TENM4: variants seen among roughly 807,000 people sequenced by gnomAD.
The protein encoded by TENM4 is teneurin transmembrane protein 4, also known as teneurin-4.
Under a neutral mutation model 243.3 loss-of-function variants are expected in TENM4, and 82 were observed. That is an observed-to-expected ratio of 0.34 (90% CI 0.28 to 0.40). TENM4 has a LOEUF of 0.40. Among genes scored for constraint, TENM4 ranks in the 10% least tolerant of loss-of-function variants. TENM4 has a pLI of 1.00. For missense variants in TENM4, 3,138 were observed against 3,673.3 expected, an observed-to-expected ratio of 0.85 and a Z score of 3.77; for synonymous variants, 1,412 against 1,456.3, an observed-to-expected ratio of 0.97 and a Z score of 0.69.
intron 3 of TENM4, among the ~76,000 whole-genome samples, chr11:79,174,198 TTGTC>T (rs1204753294): frequency 3.3e-5 from 5 of 152,068 alleles, no homozygotes; most frequent in African/African-American, 9.7e-5. Context: ...TATCCTCCCT[TTGTC>T]TGTTCTTTGC....
chr11:79,160,643 G>T (rs1249994876), intron 3 of TENM4, among the ~76,000 whole-genome samples: 1 of 152,104 alleles, frequency 6.6e-6, no homozygotes, highest in East Asian at 1.9e-4. Context: ...CAGGGTCAGG[G>T]GTGAATATAG....
intron 1 of TENM4, among the ~76,000 whole-genome samples, chr11:79,320,560 G>C (rs1181079267): frequency 6.6e-6 from 1 of 152,198 alleles, no homozygotes; most frequent in Non-Finnish European, 1.5e-5. Context: ...TCTCAGGAAA[G>C]TTGAGAAGCT....
In TENM4 at chr11:78,805,281, C is replaced by CACCCAACACA; in HGVS notation, c.2179+10_2179+11insTGTGTTGGGT. On this transcript the variant is annotated intron_variant, in intron 15 of 33. Coordinates refer to ENST00000278550, the MANE Select transcript of TENM4 (RefSeq NM_001098816.3). ...TCCCTCTACCCATGCTTCTTCTCCC[C>CACCCAACACA]CTGCATTTACCGATAGAACAGTCGT... 6 of 1,488,454 alleles carry CACCCAACACA rather than the reference C, an allele frequency of 4.0e-6. No homozygotes were observed. Among genetic ancestry groups the CACCCAACACA allele is most frequent in the Non-Finnish European group, 5.5e-6 (6 of 1,097,782 alleles). 92.2% of individuals were successfully genotyped at this position (1,488,454 alleles called of 1,614,324 possible).
intron 1 of TENM4, among the ~76,000 whole-genome samples, chr11:79,376,130 T>C (rs538516714): frequency 9.5e-4 from 144 of 152,314 alleles, no homozygotes; most frequent in Non-Finnish European, 1.8e-3. Context: ...TGCACACTAC[T>C]GGCCACATGT....
In TENM4 at chr11:79,303,254, T is replaced by C. The variant is rs897407601; in HGVS notation, c.-320-5711A>G. On this transcript the variant is annotated intron_variant, in intron 1 of 33. Coordinates refer to ENST00000278550, the MANE Select transcript of TENM4 (RefSeq NM_001098816.3). The stretch of plus-strand genomic sequence containing the variant: ...CACTAGGTCTTTGTTAAATGTTGCA[T>C]TGGCTATGGAATCAGAGTTTGGGTT... Among the ~76,000 whole-genome samples the C allele has an allele frequency of 5.3e-5, 8 of 152,222 alleles. No homozygotes were observed. The East Asian group carries it at 9.6e-4, about 18-fold the overall frequency.
chr11:79,281,024 G>A (rs1388531803), intron 2 of TENM4, among the ~76,000 whole-genome samples: 2 of 152,190 alleles, frequency 1.3e-5, no homozygotes, highest in African/African-American at 4.8e-5. Context: ...GTAAAGGGTT[G>A]AGAGCTGCAA....
chr11:79,410,956 TACACACACAC>T (rs143723822), intron 1 of TENM4, among the ~76,000 whole-genome samples: 3 of 151,300 alleles, frequency 2.0e-5, no homozygotes, highest in African/African-American at 4.8e-5. Flanking sequence ...TACACACACA[TACACACACAC>T]ACACATACAA....
At chr11:79,383,072 C>G (rs943221872) in intron 1 of TENM4, among the ~76,000 whole-genome samples, 5 of 152,182 alleles carry the variant, frequency 3.3e-5, no homozygotes, top group African/African-American at 9.7e-5. Flanking sequence ...CATCTTCTGC[C>G]TTTCTGCCCT....
At chr11:79,431,212 G>T (rs1408962935) in intron 1 of TENM4, among the ~76,000 whole-genome samples, 1 of 152,050 alleles carries the variant, frequency 6.6e-6, no homozygotes, top group Admixed American at 6.6e-5. Flanking sequence ...AAATACTTTT[G>T]GGGTTTAGCA....
chr11:78,867,758 T>A (rs1320462610), intron 9 of TENM4, among the ~76,000 whole-genome samples: 1 of 152,230 alleles, frequency 6.6e-6, no homozygotes, highest in African/African-American at 2.4e-5. Flanking sequence ...GGAAGTAGAA[T>A]AGAAATAGAG....
chr11:79,165,156 CCA>C (rs1405117293), intron 3 of TENM4, among the ~76,000 whole-genome samples: 1 of 151,856 alleles, frequency 6.6e-6, no homozygotes, highest in Admixed American at 6.6e-5. Flanking sequence ...GGGTATCTAC[CCA>C]GGACTGGGAT....
intron 6 of TENM4, among the ~76,000 whole-genome samples, chr11:79,061,640 C>A (rs1860089891): frequency 6.6e-6 from 1 of 152,166 alleles, no homozygotes; most frequent in South Asian, 2.1e-4. Flanking sequence ...CTCTTTCTGT[C>A]ATGACTTTAT....
At chr11:78,700,298 C>T (rs1340435607) in intron 28 of TENM4, among the ~76,000 whole-genome samples, 4 of 152,186 alleles carry the variant, frequency 2.6e-5, no homozygotes, top group African/African-American at 4.8e-5. Context: ...ACTTGGACTG[C>T]GATCCCTGTT....
At chr11:78,728,030 G>A (rs1590972439) in intron 22 of TENM4, among the ~76,000 whole-genome samples, 1 of 152,178 alleles carries the variant, frequency 6.6e-6, no homozygotes, top group Non-Finnish European at 1.5e-5. Flanking sequence ...GTGATCTTAG[G>A]AAAGTGACTG....
intron 6 of TENM4, among the ~76,000 whole-genome samples, chr11:79,043,454 C>G (rs1427678748): frequency 5.9e-5 from 9 of 152,154 alleles, no homozygotes; most frequent in Non-Finnish European, 2.9e-5. Flanking sequence ...GATGGTGGAG[C>G]TTCTGTCACC....
At chr11:79,429,834 C>T (rs1362197529) in intron 1 of TENM4, among the ~76,000 whole-genome samples, 1 of 152,214 alleles carries the variant, frequency 6.6e-6, no homozygotes, top group Non-Finnish European at 1.5e-5. Flanking sequence ...ACTCACAACA[C>T]TGTCACAAAG....
intron 6 of TENM4, among the ~76,000 whole-genome samples, chr11:79,022,283 C>T (rs1466082668): frequency 6.6e-6 from 1 of 152,094 alleles, no homozygotes; most frequent in Non-Finnish European, 1.5e-5. Flanking sequence ...CAGAGAGGCC[C>T]AATAGTCGAC....
At position 78,903,417 on chromosome 11, in the gene TENM4, C is replaced by T; in HGVS notation, c.600G>A (p.Leu200=). 6.5e-7 allele frequency: 1 copy of T among 1,544,438 alleles called. No individual in the cohort carries two copies. Among genetic ancestry groups the T allele is most frequent in the Non-Finnish European group, 8.7e-7 (1 of 1,143,440 alleles). Residue 200 remains leucine, a synonymous_variant, in exon 7 of 34, where the codon CTG becomes CTA. Transcript: ENST00000278550. ...NQHHAASINS[L]NRGNFTPRSN... ...TCCTCGGCGTGAAGTTGCCCCGGTT[C>T]AGGGAGTTAATGGAGGCCGCGTGGT...
At chr11:78,966,763 G>C (rs191200980) in intron 6 of TENM4, among the ~76,000 whole-genome samples, 1 of 152,268 alleles carries the variant, frequency 6.6e-6, no homozygotes, top group Admixed American at 6.5e-5. Flanking sequence ...TCAGCAATCT[G>C]TCTCCCCACC....
Sources: allele counts gnomAD v4.1 joint callset (sites outside exome capture counted in the v4.1 genomes callset), GRCh38; gene constraint gnomAD v4.1.1; transcripts MANE v1.5; gene names NCBI Gene and HGNC (gene_info 2026-07-23, HGNC 2026-07-21).